The following GPATCH8 variants were observed in gnomAD, a reference collection of about 807,000 sequenced individuals.
GPATCH8 encodes G patch domain-containing protein 8.
GPATCH8 carries 18 observed loss-of-function variants against 118.3 expected under a neutral mutation model. That is an observed-to-expected ratio of 0.15 (90% CI 0.11 to 0.23). GPATCH8 has a LOEUF of 0.23. GPATCH8 is among the 10% of genes least tolerant of loss of function. GPATCH8 has a pLI of 1.00. For synonymous variants in GPATCH8, 659 were observed against 684.7 expected (o/e 0.96, Z 0.59); for missense variants, 1,631 against 1,873.8 (o/e 0.87, Z 2.39).
intron 6 of GPATCH8, among the ~76,000 whole-genome samples, chr17:44,414,087 G>GTATA (rs71136012): frequency 3.5e-4 from 45 of 128,500 alleles, no homozygotes; most frequent in African/African-American, 1.1e-3. Context: ...ATATGTGTGT[G>GTATA]TATATATATA....
chr17:44,431,119 C>T (rs2050295942), intron 5 of GPATCH8, among the ~76,000 whole-genome samples: 4 of 151,292 alleles, frequency 2.6e-5, no homozygotes, highest in Admixed American at 2.6e-4. Flanking sequence ...GCCTGTAATC[C>T]CAGCATTTTG....
intron 3 of GPATCH8, among the ~76,000 whole-genome samples, chr17:44,438,122 A>G (rs1221257520): frequency 6.6e-6 from 1 of 152,176 alleles, no homozygotes; most frequent in African/African-American, 2.4e-5. Context: ...GGTTATAAAA[A>G]TGACTTCCTA....
At chr17:44,490,004 A>T (rs1969120815) in intron 1 of GPATCH8, among the ~76,000 whole-genome samples, 1 of 152,128 alleles carries the variant, frequency 6.6e-6, no homozygotes, top group Non-Finnish European at 1.5e-5. Context: ...CCACTTCGAG[A>T]ATAAAATGGG....
At chr17:44,425,332 A>T (rs575146585) in intron 5 of GPATCH8, among the ~76,000 whole-genome samples, 5 of 152,208 alleles carry the variant, frequency 3.3e-5, no homozygotes, top group African/African-American at 4.8e-5. Context: ...GACTATATCT[A>T]CAGTTTCAAA....
chr17:44,474,780 C>T (rs375103436), intron 2 of GPATCH8, 49 bp downstream of exon 2: 5 of 896,060 alleles, frequency 5.6e-6, no homozygotes, highest in Non-Finnish European at 9.5e-6. Flanking sequence ...CACACGAACA[C>T]TACCTAACTA....
chr17:44,451,950 C>T (rs1015192122), intron 3 of GPATCH8, among the ~76,000 whole-genome samples: 5 of 152,064 alleles, frequency 3.3e-5, no homozygotes, highest in African/African-American at 1.2e-4. Flanking sequence ...GGTTTTGGCA[C>T]CAAGATTCTA....
chr17:44,398,087 G>A lies in GPATCH8; in HGVS notation c.3990C>T (p.His1330=). Reference sequence around the variant, plus strand: ...GCTTGGCCAGAAGCTGCTGCTGGATGTGTTGCTGAGCAGCCTGCTGGAGCT... The same window carrying A: ...GCTTGGCCAGAAGCTGCTGCTGGATATGTTGCTGAGCAGCCTGCTGGAGCT... ...YSKLQQAAQQ[H]IQQQLLAKQV... Residue 1330 remains histidine (H), a synonymous_variant, in exon 8 of 8, where the codon CAC becomes CAT. Coordinates refer to ENST00000591680, the MANE Select transcript of GPATCH8 (RefSeq NM_001002909.4). The A allele has an allele frequency of 6.2e-7, 1 of 1,614,094 alleles. No homozygotes were observed. The highest frequency in any genetic ancestry group is 8.5e-7 in the Non-Finnish European group (1 of 1,179,968).
intron 6 of GPATCH8, among the ~76,000 whole-genome samples, chr17:44,418,493 C>T (rs1187044968): frequency 5.5e-5 from 8 of 145,184 alleles, no homozygotes; most frequent in South Asian, 2.1e-4. Flanking sequence ...CTTGCTCTGT[C>T]GCCCAGGCTG....
At chr17:44,421,372 T>C (rs563828432) in intron 6 of GPATCH8, among the ~76,000 whole-genome samples, 13 of 151,872 alleles carry the variant, frequency 8.6e-5, no homozygotes, top group Non-Finnish European at 1.9e-4. Context: ...AAAACCTTTT[T>C]TTTCTTTTCT....
intron 1 of GPATCH8, among the ~76,000 whole-genome samples, chr17:44,476,998 A>G (rs1465078148): frequency 4.6e-5 from 7 of 152,228 alleles, no homozygotes; most frequent in Non-Finnish European, 8.8e-5. Context: ...GAGTCCCACA[A>G]TGACCTAAAT....
At chr17:44,435,413 T>TC (rs66920234) in intron 4 of GPATCH8, among the ~76,000 whole-genome samples, 7,737 of 132,820 alleles carry the variant, frequency 0.058, 723 homozygotes, top group African/African-American at 0.21. Context: ...TTTCTTTCCT[T>TC]TTTTTTTTTT....
At chr17:44,436,595 C>T (rs1230899413) in intron 3 of GPATCH8, 50 bp from the exon 4 acceptor site, 1 of 889,240 alleles carries the variant, frequency 1.1e-6, no homozygotes, top group Non-Finnish European at 1.9e-6. Flanking sequence ...AAACCAACAG[C>T]TCATTTTACA....
intron 1 of GPATCH8, among the ~76,000 whole-genome samples, chr17:44,484,233 C>T (rs954027163): frequency 6.6e-6 from 1 of 152,154 alleles, no homozygotes; most frequent in African/African-American, 2.4e-5. Context: ...ATTTGCCTGC[C>T]TCAGCCTCCC....
chr17:44,406,163 T>A (rs1377808), intron 6 of GPATCH8, 112 bp from the exon 7 acceptor site: 472,398 of 797,852 alleles, frequency 0.59, 141,244 homozygotes, highest in Middle Eastern at 0.66. Flanking sequence ...GTATTAGTGT[T>A]GAACACATTA....
intron 7 of GPATCH8, among the ~76,000 whole-genome samples, chr17:44,404,687 T>C (rs2049153174): frequency 6.6e-6 from 1 of 152,052 alleles, no homozygotes; most frequent in Admixed American, 6.6e-5. Flanking sequence ...GCCTCAAAAA[T>C]ACACAAACTT....
At chr17:44,479,838 G>C (rs1443184345) in intron 1 of GPATCH8, among the ~76,000 whole-genome samples, 1 of 151,846 alleles carries the variant, frequency 6.6e-6, no homozygotes, top group Admixed American at 6.6e-5. Context: ...ATGGTGGTGC[G>C]TGCCTGTAAT....
intron 6 of GPATCH8, among the ~76,000 whole-genome samples, chr17:44,423,738 T>C (rs1394803667): frequency 6.6e-6 from 1 of 152,120 alleles, no homozygotes; most frequent in African/African-American, 2.4e-5. Context: ...TTAGGTACAA[T>C]TTTCTCCTCT....
rs75493994 is a variant in GPATCH8, at chr17:44,431,650, G to A, written c.348+3415C>T. Among the ~76,000 whole-genome samples the A allele has an allele frequency of 1.9e-4, 29 of 151,976 alleles. 1 individual carries two copies. The East Asian group carries it at 3.1e-3, about 16-fold the overall frequency. ...TATTTGGCTCTAAGACTATATACAA[G>A]TAAAACTTTGATAAAAATGAAAATT... On this transcript the variant is annotated intron_variant, in intron 5 of 7. Transcript: ENST00000591680.
chr17:44,448,271 T>C (rs543814793), intron 3 of GPATCH8, among the ~76,000 whole-genome samples: 4 of 152,102 alleles, frequency 2.6e-5, no homozygotes, highest in African/African-American at 9.6e-5. Flanking sequence ...AATCAAAGTA[T>C]TACAGGCTGG....
Sources: gnomAD v4.1 joint callset for allele counts (sites outside exome capture counted in the v4.1 genomes callset) on GRCh38, gnomAD v4.1.1 for gene constraint, MANE v1.5 for transcripts, NCBI Gene and HGNC (gene_info 2026-07-23, HGNC 2026-07-21) for gene names.